TPMT: variants seen among roughly 807,000 people sequenced by gnomAD.
TPMT encodes thiopurine S-methyltransferase.
TPMT carries 18 observed loss-of-function variants against 34.2 expected under a neutral mutation model. That is an observed-to-expected ratio of 0.53 (90% CI 0.36 to 0.78). The LOEUF (loss-of-function observed/expected upper bound fraction) is 0.78, where lower values mean the gene tolerates loss of function less well. Among genes scored for constraint, TPMT ranks in the 30% least tolerant of loss-of-function variants. The pLI is 0.00. For missense variants in TPMT, 265 were observed against 288.1 expected (o/e 0.92, Z 0.58); for synonymous variants, 69 against 92.4 (o/e 0.75, Z 1.45).
In TPMT at chr6:18,140,624, C is replaced by T. The variant is rs1784121134; in HGVS notation, c.367-907G>A. On this transcript the variant is annotated intron_variant, in intron 4 of 8. Transcript: ENST00000309983. The surrounding 1 kb of genome is among the most constrained non-coding windows in gnomAD (Gnocchi z 4.7). ...ACTTGAGCCTGGGAGGTCAAGGCTG[C>T]AGTGAGCTGTGATTGTGCCACTGCC... 6.6e-6 allele frequency among the ~76,000 whole-genome samples: 1 copy of T among 152,132 alleles called. No individual in the cohort carries two copies. The highest frequency in any genetic ancestry group is 1.5e-5 in the Non-Finnish European group (1 of 68,024).
In TPMT at chr6:18,139,525, C is replaced by G. The variant is rs1784102652; in HGVS notation, c.419+140G>C. On this transcript the variant is annotated intron_variant, in intron 5 of 8. Transcript: ENST00000309983. This position sits in a 1 kb window ranked among gnomAD's most constrained non-coding sequence, Gnocchi z 4.2. ...GCAGACGAGTGTGTAATAAAAATAT[C>G]TGCAGAACAGACATTCAAAAAAATG... is the stretch of plus-strand genomic sequence containing the variant. 2.7e-6 allele frequency: 2 copies of G among 748,904 alleles called. No homozygotes were observed. The highest frequency in any genetic ancestry group is 2.2e-5 in the Admixed American group (1 of 45,358). The allele number at this position is 748,904 out of a possible 1,614,324, so 46.4% of individuals were successfully genotyped here.
In TPMT at chr6:18,145,226, A is replaced by G. The variant is rs1784227159; in HGVS notation, c.234-1498T>C. 6.6e-6 allele frequency among the ~76,000 whole-genome samples: 1 copy of G among 152,244 alleles called. No homozygotes were observed. The highest frequency in any genetic ancestry group is 1.5e-5 in the Non-Finnish European group (1 of 68,046). ...GGGGAAAGTGAGGGCACAGCATTTA[A>G]AAACTTGGTCAGTGCCACATTAAAA... On this transcript the variant is annotated intron_variant, in intron 3 of 8. Transcript: ENST00000309983. This position sits in a 1 kb window ranked among gnomAD's most constrained non-coding sequence, Gnocchi z 5.6.
chr6:18,143,411 T>C lies in TPMT; in HGVS notation c.366+185A>G, dbSNP rs570137144. Reference sequence around the variant, plus strand: ...CTCAGCTTTTATATACATATGTCTATACCTATTTAGGTAGCTATCACCTAT... The same window carrying C: ...CTCAGCTTTTATATACATATGTCTACACCTATTTAGGTAGCTATCACCTAT... On this transcript the variant is annotated intron_variant, in intron 4 of 8. Transcript: ENST00000309983. The surrounding 1 kb of genome is among the most constrained non-coding windows in gnomAD (Gnocchi z 6.1). 3.3e-5 allele frequency among the ~76,000 whole-genome samples: 5 copies of C among 152,346 alleles called. No individual in the cohort carries two copies. The highest frequency in any genetic ancestry group is 2.4e-5 in the African/African-American group (1 of 41,588).
At position 18,139,744 on chromosome 6, in the gene TPMT, T is replaced by A. The variant is rs1205994131; in HGVS notation, c.367-27A>T. Reference sequence around the variant, plus strand: ...TGTAATGAAATAATGAAAAAAAAATTTTTTTTTTTTACTTAGTAAGTACTT... The same window carrying A: ...TGTAATGAAATAATGAAAAAAAAATATTTTTTTTTTACTTAGTAAGTACTT... On this transcript the variant is annotated intron_variant, in intron 4 of 8. Coordinates refer to ENST00000309983, the MANE Select transcript of TPMT (RefSeq NM_000367.5). This position sits in a 1 kb window ranked among gnomAD's most constrained non-coding sequence, Gnocchi z 4.2. 6.9e-7 allele frequency: 1 copy of A among 1,439,016 alleles called. No individual in the cohort carries two copies. The highest frequency in any genetic ancestry group is 1.5e-5 in the African/African-American group (1 of 64,970). The allele number at this position is 1,439,016 out of a possible 1,614,324, so 89.1% of individuals were successfully genotyped here. A position where few individuals can be genotyped will look rare whatever the true frequency, so the allele number is the denominator to read the frequency against.
chr6:18,141,335 A>T (rs1264124397), intron 4 of TPMT, among the ~76,000 whole-genome samples: 1 of 150,956 alleles, frequency 6.6e-6, no homozygotes, highest in Non-Finnish European at 1.5e-5. Context: ...TGATCTGAGC[A>T]ACAATTTTTT....
chr6:18,149,032 C>CT lies in TPMT; in HGVS notation c.95dup (p.Trp33ValfsTer26), dbSNP rs759836180. ...GAAAAGCAGTCTTGCCGTTCACCCA[C>CT]TTGTCTTGCCATTCTTCCAGAGTTA... is the stretch of plus-strand genomic sequence containing the variant. On this transcript the variant is annotated frameshift_variant, in exon 2 of 9. Coordinates refer to ENST00000309983, the MANE Select transcript of TPMT (RefSeq NM_000367.5). LOFTEE classifies it high-confidence loss of function. This position sits in a 1 kb window ranked among gnomAD's most constrained non-coding sequence, Gnocchi z 5.0. The CT allele has an allele frequency of 3.7e-5, 59 of 1,614,022 alleles. No homozygotes were observed. The highest frequency in any genetic ancestry group is 1.7e-6 in the Non-Finnish European group (2 of 1,180,010).
intron 4 of TPMT, among the ~76,000 whole-genome samples, chr6:18,141,110 A>C (rs1365375689): frequency 6.6e-6 from 1 of 152,152 alleles, no homozygotes; most frequent in Non-Finnish European, 1.5e-5. Context: ...AGATTCTGAT[A>C]TAATTGGCCT....
chr6:18,148,615 T>C lies in TPMT; in HGVS notation c.140+373A>G, dbSNP rs956470896. On this transcript the variant is annotated intron_variant, in intron 2 of 8. Coordinates refer to ENST00000309983, the MANE Select transcript of TPMT (RefSeq NM_000367.5). This position sits in a 1 kb window ranked among gnomAD's most constrained non-coding sequence, Gnocchi z 4.1. ...TTCTTTAACATCTGAACACATCCTA[T>C]TGGAAAGCAAAGTCAGACACCACTG... Among the ~76,000 whole-genome samples, 4 of 152,226 alleles carry C rather than the reference T, an allele frequency of 2.6e-5. No homozygotes were observed.
intron 3 of TPMT, 122 bp downstream of exon 3, chr6:18,147,701 G>A (rs1448724109): frequency 1.1e-6 from 1 of 898,410 alleles, no homozygotes; most frequent in Non-Finnish European, 1.8e-6. Flanking sequence ...ATCACTAATA[G>A]AAAAATAAGG....
rs1392348310 is a variant in TPMT at position 18,147,892 on chromosome 6, G to A, written c.164C>T (p.Thr55Ile). ...CAGTCCACTCTTGCCTTTAAGGAAA[G>A]TATCTAAATGCTTCTTTAATAGCCT... ...GHQLLKKHLD[T>I]FLKGKSGLRV... is the part of the protein sequence containing the mutation. Residue 55 changes from threonine (T) to isoleucine (I), a missense_variant, in exon 3 of 9, where the codon ACT becomes ATT. By Grantham distance (89) the Thr-to-Ile change is moderately conservative. Transcript: ENST00000309983. 1 of 1,612,968 alleles carries A rather than the reference G, an allele frequency of 6.2e-7. No homozygotes were observed. Among genetic ancestry groups the A allele is most frequent in the African/African-American group, 1.3e-5 (1 of 74,748 alleles).
chr6:18,137,495 T>G (rs1009851923), intron 6 of TPMT, among the ~76,000 whole-genome samples: 6 of 152,204 alleles, frequency 3.9e-5, no homozygotes, highest in Admixed American at 3.9e-4. Context: ...ATTTCCATGC[T>G]ATATCCAAGT....
rs1784113918 is a variant in TPMT, at chr6:18,140,058, A to C, written c.367-341T>G. Among the ~76,000 whole-genome samples the C allele has an allele frequency of 6.6e-6, 1 of 152,214 alleles. No individual in the cohort carries two copies. The highest frequency in any genetic ancestry group is 2.1e-4 in the South Asian group (1 of 4,824). On this transcript the variant is annotated intron_variant, in intron 4 of 8. Transcript: ENST00000309983. The surrounding 1 kb of genome is among the most constrained non-coding windows in gnomAD (Gnocchi z 4.7). ...TAAAGATAAATCTGCAGGTCAACCA[A>C]TTATCAGGCAGGGTGGTACTGAAAA...
chr6:18,149,243 T>C lies in TPMT; in HGVS notation c.-44-72A>G. On this transcript the variant is annotated intron_variant, in intron 1 of 8. Transcript: ENST00000309983. The surrounding 1 kb of genome is among the most constrained non-coding windows in gnomAD (Gnocchi z 5.0). ...TCTATTGATGAACTAAATGAAAACC[T>C]ATTATTCTTAGCAGTATGACTTTTT... The C allele has an allele frequency of 2.3e-6, 3 of 1,301,720 alleles. No individual in the cohort carries two copies. The allele number at this position is 1,301,720 out of a possible 1,614,324, so 80.6% of individuals were successfully genotyped here.
chr6:18,130,618 T>C lies in TPMT; in HGVS notation c.*50A>G. On this transcript the variant is annotated 3_prime_UTR_variant, in exon 9 of 9. Transcript: ENST00000309983. The surrounding 1 kb of genome is among the most constrained non-coding windows in gnomAD (Gnocchi z 4.2). ...ACATTTTCAGGCTTTAGCATAATTT[T>C]CAATTCCTCAAAAACATGTCAGTGT... The C allele has an allele frequency of 8.1e-7, 1 of 1,241,536 alleles. No individual in the cohort carries two copies. Among genetic ancestry groups the C allele is most frequent in the Non-Finnish European group, 1.2e-6 (1 of 845,126 alleles). The allele number at this position is 1,241,536 out of a possible 1,614,324, so 76.9% of individuals were successfully genotyped here.
rs1030980689 is a variant in TPMT at position 18,154,412 on chromosome 6, T to G, written c.-45+621A>C. Among the ~76,000 whole-genome samples, 1 of 152,140 alleles carries G rather than the reference T, an allele frequency of 6.6e-6. No individual in the cohort carries two copies. The highest frequency in any genetic ancestry group is 2.4e-5 in the African/African-American group (1 of 41,430). On this transcript the variant is annotated intron_variant, in intron 1 of 8. Coordinates refer to ENST00000309983, the MANE Select transcript of TPMT (RefSeq NM_000367.5). This position sits in a 1 kb window ranked among gnomAD's most constrained non-coding sequence, Gnocchi z 4.2. Reference sequence around the variant, plus strand: ...AAGAAACTTTCCTAAGGTGCACACATCTTAAAAGAGTATGACTCGGTGAAT... The same window carrying G: ...AAGAAACTTTCCTAAGGTGCACACAGCTTAAAAGAGTATGACTCGGTGAAT...
rs879411862 is a variant in TPMT, at chr6:18,139,958, G to C, written c.367-241C>G. Among the ~76,000 whole-genome samples the C allele has an allele frequency of 2.0e-5, 3 of 152,092 alleles. No homozygotes were observed. Among genetic ancestry groups the C allele is most frequent in the Non-Finnish European group, 4.4e-5 (3 of 68,034 alleles). On this transcript the variant is annotated intron_variant, in intron 4 of 8. Coordinates refer to ENST00000309983, the MANE Select transcript of TPMT (RefSeq NM_000367.5). The surrounding 1 kb of genome is among the most constrained non-coding windows in gnomAD (Gnocchi z 4.2). Reference sequence around the variant, plus strand: ...CAGAGGACAACTTTGAAGATCAGTTGGCTGTTACTCACTTCAGAGCTTGCT... The same window carrying C: ...CAGAGGACAACTTTGAAGATCAGTTCGCTGTTACTCACTTCAGAGCTTGCT...
rs9465102 is a variant in TPMT at position 18,135,762 on chromosome 6, T to G, written c.495-1873A>C. ...GGCGCTACTGTAATCCCAGCTACTC[T>G]GGAGGCTGAGGCAGGAGAATCACTT... On this transcript the variant is annotated intron_variant, in intron 6 of 8. Transcript: ENST00000309983. The surrounding 1 kb of genome is among the most constrained non-coding windows in gnomAD (Gnocchi z 5.0). Among the ~76,000 whole-genome samples, 117,808 of 151,762 alleles carry G rather than the reference T, an allele frequency of 0.78. 45,804 individuals carry two copies. Among genetic ancestry groups the G allele is most frequent in the East Asian group, 0.82 (4,188 of 5,132 alleles).
In TPMT at chr6:18,130,645, AT is replaced by A; in HGVS notation, c.*22del. On this transcript the variant is annotated 3_prime_UTR_variant, in exon 9 of 9. Coordinates refer to ENST00000309983, the MANE Select transcript of TPMT (RefSeq NM_000367.5). This position sits in a 1 kb window ranked among gnomAD's most constrained non-coding sequence, Gnocchi z 4.2. ...AATTCCTCAAAAACATGTCAGTGTGATTTTATTTTATCTATGTCTCATTTAC... is the reference window on the plus strand; with the variant it reads ...AATTCCTCAAAAACATGTCAGTGTGATTTATTTTATCTATGTCTCATTTAC... 1 of 1,470,928 alleles carries A rather than the reference AT, an allele frequency of 6.8e-7. No homozygotes were observed. Among genetic ancestry groups the A allele is most frequent in the Non-Finnish European group, 9.5e-7 (1 of 1,051,982 alleles). The allele number at this position is 1,470,928 out of a possible 1,614,324, so 91.1% of individuals were successfully genotyped here.
Position 18,145,949 on chromosome 6 carries a change from T to A in TPMT, c.233+1874A>T, listed in dbSNP as rs1343081974. ...ATGATCATGCCACTGCACTCCACCC[T>A]GGGTGACAGAGTGGGACTGTCTCAA... is the stretch of plus-strand genomic sequence containing the variant. On this transcript the variant is annotated intron_variant, in intron 3 of 8. Coordinates refer to ENST00000309983, the MANE Select transcript of TPMT (RefSeq NM_000367.5). This position sits in a 1 kb window ranked among gnomAD's most constrained non-coding sequence, Gnocchi z 5.6. 3.3e-5 allele frequency among the ~76,000 whole-genome samples: 5 copies of A among 152,186 alleles called. No homozygotes were observed. The highest frequency in any genetic ancestry group is 1.2e-4 in the African/African-American group (5 of 41,448).
Sources: gnomAD v4.1 joint callset for allele counts (sites outside exome capture counted in the v4.1 genomes callset) on GRCh38, gnomAD v4.1.1 for gene constraint, Gnocchi (gnomAD v3.1) non-coding constraint, MANE v1.5 for transcripts, NCBI Gene and HGNC (gene_info 2026-07-23, HGNC 2026-07-21) for gene names.